The following CEP128 variants were observed in gnomAD, a reference collection of about 807,000 sequenced individuals.
CEP128 encodes the protein centrosomal protein 128kDa.
Under a neutral mutation model 156.7 loss-of-function variants are expected in CEP128, and 132 were observed. The ratio of observed to expected loss-of-function variants is 0.84; its 90% CI spans 0.73 to 0.97. The LOEUF (loss-of-function observed/expected upper bound fraction) is 0.97, where lower values mean the gene tolerates loss of function less well. Among genes scored for constraint, CEP128 ranks in the 50% least tolerant of loss-of-function variants. The probability of loss-of-function intolerance (pLI) is 0.00; values close to 1 mark genes in which losing one functional copy is unlikely to be tolerated. For synonymous variants in CEP128, 469 were observed against 448.9 expected (o/e 1.04, Z -0.57); for missense variants, 1,252 against 1,281.9 (o/e 0.98, Z 0.36).
At chr14:80,558,626 T>C (rs530210773) in intron 21 of CEP128, among the ~76,000 whole-genome samples, 1 of 152,238 alleles carries the variant, frequency 6.6e-6, no homozygotes, top group East Asian at 1.9e-4. Context: ...TTTTACCACG[T>C]TGGCCAGGCT....
At chr14:80,948,032 G>A (rs1886382798) in intron 2 of CEP128, among the ~76,000 whole-genome samples, 1 of 152,118 alleles carries the variant, frequency 6.6e-6, no homozygotes, top group African/African-American at 2.4e-5. Flanking sequence ...ACAGTTATAA[G>A]TCATAAGACA....
intron 19 of CEP128, among the ~76,000 whole-genome samples, chr14:80,604,447 A>G (rs1892700427): frequency 6.6e-6 from 1 of 152,180 alleles, no homozygotes; most frequent in African/African-American, 2.4e-5. Flanking sequence ...ACTCCTTAGT[A>G]CATGCTTTAT....
At chr14:80,581,999 C>T (rs1028222209) in intron 19 of CEP128, among the ~76,000 whole-genome samples, 7 of 147,532 alleles carry the variant, frequency 4.7e-5, no homozygotes, top group African/African-American at 1.7e-4. Context: ...AGAGGCCTCA[C>T]ACATTTCCAC....
At chr14:80,916,249 T>C in intron 3 of CEP128, 152 bp downstream of exon 3, 1 of 642,588 alleles carries the variant, frequency 1.6e-6, no homozygotes, top group Non-Finnish European at 2.7e-6. Flanking sequence ...ACTTCTGATG[T>C]ACAAGACCTT....
At chr14:80,551,248 C>A (rs1890197067) in intron 21 of CEP128, among the ~76,000 whole-genome samples, 1 of 152,112 alleles carries the variant, frequency 6.6e-6, no homozygotes, top group Non-Finnish European at 1.5e-5. Context: ...GGAAGGCATG[C>A]CAAAAAGGCT....
chr14:80,743,797 T>A (rs1898955775), intron 18 of CEP128, among the ~76,000 whole-genome samples: 1 of 152,126 alleles, frequency 6.6e-6, no homozygotes, highest in Non-Finnish European at 1.5e-5. Context: ...ACAAGGAAAG[T>A]GAATTCTGGC....
At chr14:80,489,591 G>A (rs1292009332), downstream of CEP128, among the ~76,000 whole-genome samples, 1 of 152,070 alleles carries the variant, frequency 6.6e-6, no homozygotes, top group Non-Finnish European at 1.5e-5. Context: ...ATCATGATTT[G>A]GCTCAATTTG....
rs192757106 is a variant in CEP128, at chr14:80,502,319, C to A, written c.3181+2593G>T. Among the ~76,000 whole-genome samples, 470 of 152,244 alleles carry A rather than the reference C, an allele frequency of 3.1e-3. 1 individual carries two copies. Among genetic ancestry groups the A allele is most frequent in the African/African-American group, 8.6e-3 (359 of 41,546 alleles). On this transcript the variant is annotated intron_variant, in intron 24 of 24. Coordinates refer to ENST00000555265, the MANE Select transcript of CEP128 (RefSeq NM_152446.5). ...GAGGAAGGTATAGGATCTGGGCACA[C>A]GGGCATCAATATAGGAAAAGAGTGA...
intron 19 of CEP128, among the ~76,000 whole-genome samples, chr14:80,701,739 A>G (rs944584192): frequency 3.3e-5 from 5 of 152,098 alleles, no homozygotes; most frequent in South Asian, 2.1e-4. Flanking sequence ...CTATGTTTCA[A>G]TTGTTCAGGC....
At chr14:80,575,693 A>C (rs528068469) in intron 20 of CEP128, among the ~76,000 whole-genome samples, 1 of 152,184 alleles carries the variant, frequency 6.6e-6, no homozygotes, top group African/African-American at 2.4e-5. Flanking sequence ...GTCAGGCACC[A>C]AAGTTTTCAC....
At chr14:80,636,625 G>T (rs1894190637) in intron 19 of CEP128, among the ~76,000 whole-genome samples, 1 of 152,078 alleles carries the variant, frequency 6.6e-6, no homozygotes, top group Non-Finnish European at 1.5e-5. Context: ...TCTATCACAA[G>T]TTTCCTCAGA....
intron 20 of CEP128, among the ~76,000 whole-genome samples, chr14:80,561,894 G>GTATATATATATA (rs1487096663): frequency 5.0e-5 from 4 of 80,510 alleles, no homozygotes; most frequent in Admixed American, 4.5e-4. Flanking sequence ...AAATACGAAG[G>GTATATATATATA]TCTATATATA....
At chr14:80,580,345 A>C in intron 20 of CEP128, 29 bp downstream of exon 20, 1 of 1,489,724 alleles carries the variant, frequency 6.7e-7, no homozygotes, top group Non-Finnish European at 9.3e-7. Flanking sequence ...TTTTCATACC[A>C]AGCATGCTTG....
At chr14:80,483,592 T>C (rs550537870) in intron 14 of CEP128, among the ~76,000 whole-genome samples, 26 of 152,276 alleles carry the variant, frequency 1.7e-4, no homozygotes, top group African/African-American at 5.1e-4. Flanking sequence ...GACTGCAAAT[T>C]TGGCTACCAA....
At chr14:80,606,883 C>T (rs1892801559) in intron 19 of CEP128, among the ~76,000 whole-genome samples, 2 of 151,840 alleles carry the variant, frequency 1.3e-5, no homozygotes, top group African/African-American at 4.8e-5. Flanking sequence ...AAAAGGACTT[C>T]CCTGATCTAA....
At chr14:80,762,122 C>T (rs1408258765) in intron 16 of CEP128, among the ~76,000 whole-genome samples, 2 of 152,096 alleles carry the variant, frequency 1.3e-5, no homozygotes, top group Non-Finnish European at 2.9e-5. Flanking sequence ...GCATTTACCA[C>T]ATAAATGCTT....
chr14:80,697,673 A>G (rs1896934464), intron 19 of CEP128, among the ~76,000 whole-genome samples: 1 of 152,042 alleles, frequency 6.6e-6, no homozygotes, highest in Non-Finnish European at 1.5e-5. Context: ...AAGATGTTAC[A>G]CTGTAACATC....
At chr14:80,946,559 A>G (rs1159470587), upstream of CEP128, among the ~76,000 whole-genome samples, 1 of 152,130 alleles carries the variant, frequency 6.6e-6, no homozygotes, top group Non-Finnish European at 1.5e-5. Flanking sequence ...GAAACATTAA[A>G]TACCTAGAGG....
At position 80,497,385 on chromosome 14, in the gene CEP128, T is replaced by G; in HGVS notation, c.*94A>C. 1 of 770,720 alleles carries G rather than the reference T, an allele frequency of 1.3e-6. No homozygotes were observed. The highest frequency in any genetic ancestry group is 2.2e-6 in the Non-Finnish European group (1 of 462,794). 47.7% of individuals were successfully genotyped at this position (770,720 alleles called of 1,614,324 possible). The stretch of plus-strand genomic sequence containing the variant: ...TACCAAAGAGCCAAAGCTGCAGGTA[T>G]GTCTGTTAGATAATCTGGGCCAAAT... On this transcript the variant is annotated 3_prime_UTR_variant, in exon 25 of 25. Transcript: ENST00000555265.
Sources: gnomAD v4.1 joint callset for allele counts (sites outside exome capture counted in the v4.1 genomes callset) on GRCh38, gnomAD v4.1.1 for gene constraint, MANE v1.5 for transcripts, NCBI Gene and HGNC (gene_info 2026-07-23, HGNC 2026-07-21) for gene names.